The following LYN variants were observed in gnomAD, a reference collection of about 807,000 sequenced individuals.
LYN encodes the protein LYN proto-oncogene, Src family tyrosine kinase.
In LYN, 12 loss-of-function variants were observed where a neutral mutation model predicts 65.0. The ratio of observed to expected loss-of-function variants is 0.18; its 90% confidence interval spans 0.12 to 0.30. The LOEUF (loss-of-function observed/expected upper bound fraction) is 0.30. Ranked by LOEUF, LYN falls within the 10% of genes least tolerant of loss-of-function variation. LYN has a pLI of 1.00. For synonymous variants in LYN, 222 were observed against 221.2 expected (o/e 1.00, Z -0.03); for missense variants, 380 against 623.2 (o/e 0.61, Z 4.16).
chr8:55,945,246 G>A (rs917778907), intron 2 of LYN, among the ~76,000 whole-genome samples: 3 of 152,106 alleles, frequency 2.0e-5, no homozygotes, highest in Non-Finnish European at 4.4e-5. Flanking sequence ...GTAAGTTAAG[G>A]GCTTTTTGAA....
intron 12 of LYN, among the ~76,000 whole-genome samples, chr8:56,002,425 A>G (rs962702874): frequency 1.8e-4 from 27 of 149,302 alleles, no homozygotes; most frequent in African/African-American, 6.8e-4. Flanking sequence ...TCTTAAAAAA[A>G]TAAAAAAAAA....
chr8:55,941,757 A>G (rs543636770), intron 1 of LYN, 98 bp from the exon 2 acceptor site: 241 of 811,980 alleles, frequency 3.0e-4, no homozygotes, highest in Non-Finnish European at 4.6e-4. Flanking sequence ...TAAAGAATAA[A>G]AGTATATTTT....
At chr8:55,967,278 G>A (rs1159686740) in intron 9 of LYN, among the ~76,000 whole-genome samples, 3 of 149,628 alleles carry the variant, frequency 2.0e-5, no homozygotes, top group Admixed American at 6.7e-5. Flanking sequence ...GATTTAGTAC[G>A]GATTGTTCAG....
At chr8:55,936,204 G>A (rs1806432051) in intron 1 of LYN, among the ~76,000 whole-genome samples, 1 of 152,138 alleles carries the variant, frequency 6.6e-6, no homozygotes, top group Admixed American at 6.5e-5. Flanking sequence ...GATCACTTTT[G>A]TTTCAGATAG....
intron 6 of LYN, among the ~76,000 whole-genome samples, chr8:55,951,468 C>T (rs1026062509): frequency 3.9e-5 from 6 of 151,904 alleles, no homozygotes; most frequent in Admixed American, 2.6e-4. Context: ...AGTTTGATAC[C>T]AGCCTGGGCA....
chr8:55,999,301 C>T lies in LYN; in HGVS notation c.1205-117C>T, dbSNP rs148176246. ...CATCATTACATTCCAGCCTGGGTGA[C>T]AAGAGTGAAACTCCGCCTCAAAAAA... On this transcript the variant is annotated intron_variant, in intron 11 of 12. Coordinates refer to ENST00000519728, the MANE Select transcript of LYN (RefSeq NM_002350.4). 128 of 825,138 alleles carry T rather than the reference C, an allele frequency of 1.6e-4. 1 individual carries two copies. The highest frequency in any genetic ancestry group is 1.5e-3 in the East Asian group (59 of 40,362). The allele number at this position is 825,138 out of a possible 1,614,324, so 51.1% of individuals were successfully genotyped here. A position where few individuals can be genotyped will look rare whatever the true frequency, so the allele number is the denominator to read the frequency against.
At chr8:55,959,732 A>C (rs1411579659) in intron 8 of LYN, among the ~76,000 whole-genome samples, 1 of 152,224 alleles carries the variant, frequency 6.6e-6, no homozygotes, top group Non-Finnish European at 1.5e-5. Context: ...GTAATAGCCA[A>C]AAAGTACAAA....
intron 1 of LYN, among the ~76,000 whole-genome samples, chr8:55,924,229 T>C (rs1806028641): frequency 6.6e-6 from 1 of 152,096 alleles, no homozygotes; most frequent in Non-Finnish European, 1.5e-5. Flanking sequence ...AAATTTGAAA[T>C]ATCCCAGGGC....
intron 1 of LYN, among the ~76,000 whole-genome samples, chr8:55,914,989 G>T (rs887681220): frequency 6.6e-6 from 1 of 152,218 alleles, no homozygotes; most frequent in Non-Finnish European, 1.5e-5. Flanking sequence ...TTTAATAATT[G>T]TGAATTAGAC....
intron 10 of LYN, among the ~76,000 whole-genome samples, chr8:55,985,033 G>T (rs977003298): frequency 1.3e-5 from 2 of 152,184 alleles, no homozygotes; most frequent in Non-Finnish European, 2.9e-5. Context: ...AGCCGCAGGG[G>T]TCCTGTGGGC....
intron 10 of LYN, among the ~76,000 whole-genome samples, chr8:55,982,592 T>G (rs1187070827): frequency 6.6e-6 from 1 of 152,248 alleles, no homozygotes; most frequent in East Asian, 1.9e-4. Context: ...TCTGACTCAC[T>G]TCACTGCTGT....
At chr8:55,965,563 G>T (rs1807428459) in intron 8 of LYN, among the ~76,000 whole-genome samples, 2 of 152,168 alleles carry the variant, frequency 1.3e-5, no homozygotes, top group South Asian at 4.1e-4. Context: ...AATAGTTAAA[G>T]ATATGGTGAA....
intron 10 of LYN, among the ~76,000 whole-genome samples, chr8:55,990,437 A>C (rs1349383726): frequency 2.6e-5 from 4 of 152,104 alleles, no homozygotes; most frequent in African/African-American, 7.2e-5. Context: ...ATGGGACCTT[A>C]AAAGGTGTCA....
intron 10 of LYN, among the ~76,000 whole-genome samples, chr8:55,987,946 T>C (rs1280952615): frequency 6.6e-6 from 1 of 152,244 alleles, no homozygotes; most frequent in African/African-American, 2.4e-5. Flanking sequence ...AGCTAATACA[T>C]GGTAGCAATC....
intron 1 of LYN, among the ~76,000 whole-genome samples, chr8:55,901,671 G>A (rs930836596): frequency 6.6e-5 from 10 of 152,144 alleles, no homozygotes; most frequent in Non-Finnish European, 2.9e-5. Flanking sequence ...AAGAGCATTG[G>A]GCATACACTT....
intron 1 of LYN, among the ~76,000 whole-genome samples, chr8:55,938,509 G>C (rs997401456): frequency 3.3e-5 from 5 of 152,186 alleles, no homozygotes; most frequent in African/African-American, 9.7e-5. Flanking sequence ...TGTGACTCAT[G>C]ACGTCCCTGG....
chr8:55,920,958 A>G (rs1005353796), intron 1 of LYN, among the ~76,000 whole-genome samples: 10 of 152,154 alleles, frequency 6.6e-5, no homozygotes, highest in Non-Finnish European at 1.0e-4. Flanking sequence ...TAGCCTCCCA[A>G]AGTGCTGGGA....
At chr8:55,981,743 A>G (rs1807930647) in intron 10 of LYN, among the ~76,000 whole-genome samples, 1 of 152,290 alleles carries the variant, frequency 6.6e-6, no homozygotes, top group African/African-American at 2.4e-5. Flanking sequence ...TCCTCTAACT[A>G]TAGGTTTACT....
intron 8 of LYN, among the ~76,000 whole-genome samples, chr8:55,960,739 G>A (rs1365380195): frequency 1.3e-5 from 2 of 152,074 alleles, no homozygotes; most frequent in African/African-American, 4.8e-5. Flanking sequence ...TAATATTTTT[G>A]TTAAACATAA....
Sources: allele counts gnomAD v4.1 joint callset (sites outside exome capture counted in the v4.1 genomes callset), GRCh38; gene constraint gnomAD v4.1.1; transcripts MANE v1.5; gene names NCBI Gene and HGNC (gene_info 2026-07-23, HGNC 2026-07-21).